The following FOLH1 variants were observed in gnomAD, a reference collection of about 807,000 sequenced individuals.
FOLH1 encodes the protein folate hydrolase 1, also known as glutamate carboxypeptidase 2.
FOLH1 carries 54 observed loss-of-function variants against 93.9 expected under a neutral mutation model. The observed-to-expected ratio is 0.57, with a 90% CI of 0.46 to 0.72. FOLH1 has a LOEUF of 0.72. Among genes scored for constraint, FOLH1 ranks in the 30% least tolerant of loss-of-function variants. The pLI, the probability that FOLH1 is intolerant of heterozygous loss-of-function variation, is 0.00. For missense variants in FOLH1, 571 were observed against 892.5 expected (o/e 0.64, Z 4.59); for synonymous variants, 249 against 303.6 (o/e 0.82, Z 1.87).
chr11:49,146,356 C>T lies in FOLH1; in HGVS notation c.*400G>A, dbSNP rs537574564. 5.3e-5 allele frequency among the ~76,000 whole-genome samples: 8 copies of T among 152,314 alleles called. No homozygotes were observed. The South Asian group carries it at 6.2e-4, about 12-fold the overall frequency. On this transcript the variant is annotated 3_prime_UTR_variant, in exon 19 of 19. Transcript: ENST00000256999. ...CTCAGCCCAGGCTGGCCAGGTAGGC[C>T]GTGAGGCCTCTGGCTTGGGATAATC... is the stretch of plus-strand genomic sequence containing the variant.
chr11:49,168,620 G>A (rs1476663970), intron 12 of FOLH1, among the ~76,000 whole-genome samples: 4 of 151,906 alleles, frequency 2.6e-5, no homozygotes, highest in African/African-American at 4.8e-5. Flanking sequence ...TACTGAGTGC[G>A]CCACCACGCC....
chr11:49,170,658 T>C (rs1367573385), intron 11 of FOLH1, among the ~76,000 whole-genome samples: 1 of 152,162 alleles, frequency 6.6e-6, no homozygotes. Flanking sequence ...AGAATCATGA[T>C]AGAAATCAAA....
At chr11:49,193,424 C>A (rs951730601) in intron 3 of FOLH1, among the ~76,000 whole-genome samples, 2 of 151,960 alleles carry the variant, frequency 1.3e-5, no homozygotes, top group Non-Finnish European at 2.9e-5. Flanking sequence ...GACTAGCTTT[C>A]GATTTTGGAG....
chr11:49,175,104 T>A lies in FOLH1; in HGVS notation c.1020-127A>T, dbSNP rs1040876913. On this transcript the variant is annotated intron_variant, in intron 8 of 18. Transcript: ENST00000256999. The stretch of plus-strand genomic sequence containing the variant: ...TCTGGTAAAATAAACTGAAAACTGA[T>A]TAACAGGAGAAAAGGCATACAAACT... 2.5e-6 allele frequency: 2 copies of A among 801,404 alleles called. No homozygotes were observed. Among genetic ancestry groups the A allele is most frequent in the Non-Finnish European group, 4.0e-6 (2 of 505,702 alleles). 49.6% of individuals were successfully genotyped at this position (801,404 alleles called of 1,614,324 possible).
At chr11:49,182,185 C>T (rs1311765521) in intron 7 of FOLH1, among the ~76,000 whole-genome samples, 9 of 151,716 alleles carry the variant, frequency 5.9e-5, no homozygotes, top group Non-Finnish European at 1.2e-4. Flanking sequence ...AAAAATCAGC[C>T]GGGCATAGTG....
In FOLH1 at chr11:49,146,583, T is replaced by C. The variant is rs1855792695; in HGVS notation, c.*173A>G. 3.4e-6 allele frequency: 2 copies of C among 582,042 alleles called. No homozygotes were observed. Among genetic ancestry groups the C allele is most frequent in the South Asian group, 8.4e-5 (2 of 23,752 alleles). 36.1% of individuals were successfully genotyped at this position (582,042 alleles called of 1,614,324 possible). On this transcript the variant is annotated 3_prime_UTR_variant, in exon 19 of 19. Coordinates refer to ENST00000256999, the MANE Select transcript of FOLH1 (RefSeq NM_004476.3). ...AATTATGAAATTCAGTTTTAATCCA[T>C]AGGGAGAAGATAAACAATATAAACA...
intron 17 of FOLH1, among the ~76,000 whole-genome samples, chr11:49,149,086 G>T (rs1177116541): frequency 6.6e-6 from 1 of 151,672 alleles, no homozygotes; most frequent in Non-Finnish European, 1.5e-5. Context: ...ACAGGGTGGG[G>T]AACATCACAC....
At chr11:49,199,473 C>G (rs1863035119) in intron 3 of FOLH1, among the ~76,000 whole-genome samples, 1 of 152,176 alleles carries the variant, frequency 6.6e-6, no homozygotes, top group Non-Finnish European at 1.5e-5. Flanking sequence ...CACACAAATT[C>G]TTCGCACAGA....
chr11:49,200,146 T>C (rs1015189889), intron 3 of FOLH1, 109 bp downstream of exon 3: 11 of 1,062,522 alleles, frequency 1.0e-5, no homozygotes, highest in African/African-American at 1.6e-5. Flanking sequence ...TCCAATAATA[T>C]TGATTTCTAT....
intron 12 of FOLH1, among the ~76,000 whole-genome samples, chr11:49,167,705 C>T (rs1349511552): frequency 6.6e-6 from 1 of 151,830 alleles, no homozygotes; most frequent in Admixed American, 6.6e-5. Context: ...TCCCAGCTAC[C>T]AAGGAGGCTG....
chr11:49,191,337 G>C (rs1350972855), intron 4 of FOLH1, among the ~76,000 whole-genome samples: 2 of 152,162 alleles, frequency 1.3e-5, no homozygotes, highest in Non-Finnish European at 2.9e-5. Flanking sequence ...ACACACATAT[G>C]GACATACATA....
At chr11:49,195,394 A>C (rs1862505512) in intron 3 of FOLH1, among the ~76,000 whole-genome samples, 1 of 152,126 alleles carries the variant, frequency 6.6e-6, no homozygotes, top group Non-Finnish European at 1.5e-5. Context: ...CAAATTTGTG[A>C]GATGTAGTTG....
chr11:49,195,855 A>T (rs1862561182), intron 3 of FOLH1, among the ~76,000 whole-genome samples: 1 of 152,224 alleles, frequency 6.6e-6, no homozygotes, highest in Admixed American at 6.5e-5. Flanking sequence ...TGACATAAGA[A>T]TACATTTTTT....
intron 12 of FOLH1, among the ~76,000 whole-genome samples, chr11:49,166,383 A>T (rs1858411481): frequency 6.6e-6 from 1 of 152,176 alleles, no homozygotes. Context: ...AACCTCTCTG[A>T]GTGTCAGTTT....
At chr11:49,185,180 C>T (rs1861223861) in intron 6 of FOLH1, among the ~76,000 whole-genome samples, 1 of 152,126 alleles carries the variant, frequency 6.6e-6, no homozygotes, top group Non-Finnish European at 1.5e-5. Context: ...GTCCCTTACC[C>T]ACACTGTGAA....
intron 1 of FOLH1, among the ~76,000 whole-genome samples, chr11:49,206,536 C>T (rs1590716742): frequency 6.6e-6 from 1 of 152,204 alleles, no homozygotes; most frequent in African/African-American, 2.4e-5. Flanking sequence ...GATCCACCTT[C>T]TACTTTCATA....
intron 12 of FOLH1, among the ~76,000 whole-genome samples, chr11:49,168,649 G>C (rs1262244314): frequency 6.6e-6 from 1 of 152,082 alleles, no homozygotes; most frequent in Non-Finnish European, 1.5e-5. Flanking sequence ...TTTTGCATTT[G>C]TAATAGCTAT....
intron 9 of FOLH1, among the ~76,000 whole-genome samples, chr11:49,173,758 C>T (rs1219072290): frequency 4.1e-5 from 3 of 72,478 alleles, no homozygotes; most frequent in Admixed American, 3.7e-4. Flanking sequence ...TCCTTGTTCA[C>T]ATTTTTTGTA....
At chr11:49,204,442 CTCT>C (rs1252698777) in intron 2 of FOLH1, among the ~76,000 whole-genome samples, 1 of 152,192 alleles carries the variant, frequency 6.6e-6, no homozygotes, top group Non-Finnish European at 1.5e-5. Context: ...TAACTTGGAT[CTCT>C]TCCACCACTA....
Sources: allele counts gnomAD v4.1 joint callset (sites outside exome capture counted in the v4.1 genomes callset), GRCh38; gene constraint gnomAD v4.1.1; transcripts MANE v1.5; gene names NCBI Gene and HGNC (gene_info 2026-07-23, HGNC 2026-07-21).